The following DCHS2 variants were observed in gnomAD, a reference collection of about 807,000 sequenced individuals.
DCHS2 encodes the protein dachsous cadherin-related 2, also known as protocadherin-23.
A neutral mutation model predicts 182.4 loss-of-function variants in DCHS2; 142 were observed. That is an observed-to-expected ratio of 0.78 (90% CI 0.68 to 0.89). The LOEUF (loss-of-function observed/expected upper bound fraction) is 0.89. DCHS2 is among the 40% of genes least tolerant of loss of function. The pLI, the probability that DCHS2 is intolerant of heterozygous loss-of-function variation, is 0.00. For missense variants in DCHS2, 4,319 were observed against 4,198.6 expected, an observed-to-expected ratio of 1.03 and a Z score of -0.79; for synonymous variants, 1,740 against 1,663.3, an observed-to-expected ratio of 1.05 and a Z score of -1.12.
At chr4:154,331,608 CTT>C in intron 5 of DCHS2, 1 of 1,613,280 alleles carries the variant, frequency 6.2e-7, no homozygotes, top group Non-Finnish European at 8.5e-7. Flanking sequence ...AGAACAGAGA[CTT>C]GAGAACAAAG....
Position 154,322,435 on chromosome 4 carries a change from T to A in DCHS2, c.4072A>T (p.Thr1358Ser). 1 of 1,613,714 alleles carries A rather than the reference T, an allele frequency of 6.2e-7. No homozygotes were observed. Among genetic ancestry groups the A allele is most frequent in the Non-Finnish European group, 8.5e-7 (1 of 1,179,780 alleles). ...CTATAATCATACGAAAGTATTGTGG[T>A]TGTTCTTATTTCACCATTGTTGGCG... ...IDANNGEIRTTTILSYDYRPS... is the reference protein window; with the variant it reads ...IDANNGEIRTSTILSYDYRPS... Residue 1358 changes from threonine (T) to serine (S), a missense_variant, in exon 8 of 20, where the codon ACC (threonine) becomes TCC (serine). Transcript: ENST00000357232.
chr4:154,320,724 G>A lies in DCHS2; in HGVS notation c.4675C>T (p.Pro1559Ser), dbSNP rs771716366. Reference protein sequence around the residue: ...YIESHNPGTNPFLIHPSFGTL... With the variant: ...YIESHNPGTNSFLIHPSFGTL... ...CCAAATGAGGGGTGGATGAGAAATG[G>A]ATTCGTGCCAGGGTTGTGGGATTCA... The change falls in exon 9 of 20, where the codon CCA (proline) becomes TCA (serine). Residue 1559 changes from proline to serine, a missense_variant. By Grantham distance (74) the Pro-to-Ser change is moderately conservative. Transcript: ENST00000357232. The A allele has an allele frequency of 7.4e-6, 12 of 1,613,966 alleles. No homozygotes were observed. In the Admixed American group the frequency reaches 2.0e-4, roughly 27 times the overall value.
chr4:154,250,684 A>G (rs970098314), intron 16 of DCHS2, among the ~76,000 whole-genome samples: 1 of 152,168 alleles, frequency 6.6e-6, no homozygotes, highest in East Asian at 1.9e-4. Context: ...TTTAGTATGT[A>G]TCTTCCTTCT....
Position 154,235,999 on chromosome 4 carries a change from A to G in DCHS2, c.8653T>C (p.Tyr2885His), listed in dbSNP as rs764602985. Residue 2885 changes from tyrosine to histidine, a missense_variant, in exon 20 of 20, where the codon TAT becomes CAT. Tyr to His is a moderately conservative substitution (Grantham distance 83, BLOSUM62 2). Coordinates refer to ENST00000357232, the MANE Select transcript of DCHS2 (RefSeq NM_001358235.2). ...TTCTTTTCTGGGAGGGTGAAAAAAT[A>G]CTGATCTTGAGTGAAAATGGGCTCA... ...EFEPIFTQDQ[Y>H]FFTLPEKNKD... 2 of 1,613,998 alleles carry G rather than the reference A, an allele frequency of 1.2e-6. No homozygotes were observed. The highest frequency in any genetic ancestry group is 1.1e-5 in the South Asian group (1 of 91,076).
intron 2 of DCHS2, among the ~76,000 whole-genome samples, chr4:154,370,736 C>T (rs1445831641): frequency 1.3e-5 from 2 of 152,140 alleles, no homozygotes; most frequent in Non-Finnish European, 2.9e-5. Context: ...AGACCTTTCT[C>T]TCTCAAGCAG....
intron 5 of DCHS2, among the ~76,000 whole-genome samples, chr4:154,332,101 G>T (rs1736560292): frequency 6.6e-6 from 1 of 152,088 alleles, no homozygotes; most frequent in Non-Finnish European, 1.5e-5. Flanking sequence ...GTCTACAAAT[G>T]GAAAAGGATG....
intron 1 of DCHS2, 73 bp from the exon 2 acceptor site, chr4:154,377,517 A>G: frequency 7.7e-7 from 1 of 1,296,296 alleles, no homozygotes; most frequent in East Asian, 2.4e-5. Flanking sequence ...TGAATTATTA[A>G]AACAATTTGC....
At chr4:154,357,444 T>C in intron 3 of DCHS2, 3 of 640,470 alleles carry the variant, frequency 4.7e-6, no homozygotes, top group East Asian at 5.4e-5. Flanking sequence ...GTGCAAATAA[T>C]TCACAATCTT....
At chr4:154,431,428 T>TTA (rs929053948) in intron 1 of DCHS2, among the ~76,000 whole-genome samples, 3 of 152,098 alleles carry the variant, frequency 2.0e-5, no homozygotes, top group African/African-American at 7.2e-5. Context: ...TTTTAGATAC[T>TTA]TATATATATA....
At chr4:154,310,459 A>C (rs2111312982) in intron 10 of DCHS2, among the ~76,000 whole-genome samples, 1 of 152,346 alleles carries the variant, frequency 6.6e-6, no homozygotes, top group South Asian at 2.1e-4. Flanking sequence ...TAAATAATCC[A>C]AAGCTTAAGG....
chr4:154,483,490 G>C lies in DCHS2; in HGVS notation c.2052+5814C>G, dbSNP rs1239585373. 1.3e-5 allele frequency among the ~76,000 whole-genome samples: 2 copies of C among 152,110 alleles called. 1 individual carries two copies. Among genetic ancestry groups the C allele is most frequent in the Admixed American group, 1.3e-4 (2 of 15,280 alleles). Reference sequence around the variant, plus strand: ...AACTGGGTCAACTGAAGAAACATGAGACCAAATTGCCTGGATGACAAGAGT... The same window carrying C: ...AACTGGGTCAACTGAAGAAACATGACACCAAATTGCCTGGATGACAAGAGT... On this transcript the variant is annotated intron_variant, in intron 1 of 19. Transcript: ENST00000357232.
At position 154,279,499 on chromosome 4, in the gene DCHS2, G is replaced by A. The variant is rs555065492; in HGVS notation, c.6464-9486C>T. Among the ~76,000 whole-genome samples the A allele has an allele frequency of 7.2e-5, 11 of 151,984 alleles. 1 individual carries two copies. In the South Asian group the frequency reaches 2.1e-3, roughly 29 times the overall value. On this transcript the variant is annotated intron_variant, in intron 13 of 19. Transcript: ENST00000357232. Reference sequence around the variant, plus strand: ...GGCTTTAAGTTAAAAACTATCACAAGATGTAAATAAGAACATTATATAATA... The same window carrying A: ...GGCTTTAAGTTAAAAACTATCACAAAATGTAAATAAGAACATTATATAATA...
In DCHS2 at chr4:154,234,503, A is replaced by G; in HGVS notation, c.*33T>C. The G allele has an allele frequency of 6.4e-7, 1 of 1,556,190 alleles. No homozygotes were observed. Among genetic ancestry groups the G allele is most frequent in the Non-Finnish European group, 8.7e-7 (1 of 1,151,050 alleles). On this transcript the variant is annotated 3_prime_UTR_variant, in exon 20 of 20. Coordinates refer to ENST00000357232, the MANE Select transcript of DCHS2 (RefSeq NM_001358235.2). Reference sequence around the variant, plus strand: ...ACATTTTGTTCATTCATTCATGACCAATGGTGAGCAGGTACTTGGCATCCC... The same window carrying G: ...ACATTTTGTTCATTCATTCATGACCGATGGTGAGCAGGTACTTGGCATCCC...
rs141314013 is a variant in DCHS2 at position 154,486,076 on chromosome 4, A to G, written c.2052+3228T>C. 1.6e-4 allele frequency among the ~76,000 whole-genome samples: 24 copies of G among 152,358 alleles called. No homozygotes were observed. The East Asian group carries it at 4.6e-3, about 29-fold the overall frequency. On this transcript the variant is annotated intron_variant, in intron 1 of 19. Coordinates refer to ENST00000357232, the MANE Select transcript of DCHS2 (RefSeq NM_001358235.2). ...TCCTGAGGGGTGGATTGTTAAGAAG[A>G]GGCTGTCCACCTGAGACAGGCAGGG...
At chr4:154,429,849 A>G (rs945487098) in intron 1 of DCHS2, among the ~76,000 whole-genome samples, 3 of 152,152 alleles carry the variant, frequency 2.0e-5, no homozygotes, top group Admixed American at 6.6e-5. Context: ...CTTTTCCCCT[A>G]GCTCTCCTCC....
intron 19 of DCHS2, among the ~76,000 whole-genome samples, chr4:154,238,159 T>TGG (rs571738661): frequency 0.015 from 1,888 of 121,980 alleles, 24 homozygotes; most frequent in Non-Finnish European, 0.02. Context: ...GAAAAGACGG[T>TGG]GGGGGGGTGG....
At position 154,366,210 on chromosome 4, in the gene DCHS2, C is replaced by T. The variant is rs1226565457; in HGVS notation, c.2476G>A (p.Gly826Arg). 8 of 1,609,886 alleles carry T rather than the reference C, an allele frequency of 5.0e-6. No individual in the cohort carries two copies. The East Asian group carries it at 1.8e-4, about 36-fold the overall frequency. The change falls in exon 3 of 20, where the codon GGA becomes AGA. Residue 826 changes from glycine to arginine, a missense_variant and splice_region_variant. Physicochemically the swap from Gly to Arg is moderately radical, Grantham distance 125. Transcript: ENST00000357232. ...SSLFTIDSTT[G>R]IIYLTLPLSH... ...TGAAAACTGTTCCAAGATCACATAC[C>T]TGTGGTGGAGTCAATGGTAAAAAGG...
chr4:154,329,988 C>T (rs998798850), intron 5 of DCHS2, among the ~76,000 whole-genome samples: 2 of 152,110 alleles, frequency 1.3e-5, no homozygotes, highest in Non-Finnish European at 2.9e-5. Flanking sequence ...GATAAAACTC[C>T]GTGGGAACTT....
chr4:154,339,606 C>T (rs952096761), intron 3 of DCHS2, among the ~76,000 whole-genome samples: 2 of 152,076 alleles, frequency 1.3e-5, no homozygotes, highest in South Asian at 2.1e-4. Context: ...CCTACCATCA[C>T]GCCTAGCTAA....
Sources: allele counts gnomAD v4.1 joint callset (sites outside exome capture counted in the v4.1 genomes callset), GRCh38; gene constraint gnomAD v4.1.1; transcripts MANE v1.5; gene names NCBI Gene and HGNC (gene_info 2026-07-23, HGNC 2026-07-21).